Variants in LRMDA observed in about 807,000 individuals in gnomAD.
The protein encoded by LRMDA is leucine-rich melanocyte differentiation-associated protein.
A neutral mutation model predicts 29.8 loss-of-function variants in LRMDA; 18 were observed. The ratio of observed to expected loss-of-function variants is 0.60; its 90% CI spans 0.42 to 0.90. The LOEUF (loss-of-function observed/expected upper bound fraction) is 0.90. LRMDA is among the 40% of genes least tolerant of loss of function. LRMDA has a pLI of 0.00. For synonymous variants in LRMDA, 125 were observed against 109.4 expected (o/e 1.14, Z -0.89); for missense variants, 273 against 273.9 (o/e 1.00, Z 0.02).
intron 2 of LRMDA, among the ~76,000 whole-genome samples, chr10:75,674,518 C>T (rs1841937996): frequency 6.6e-6 from 1 of 151,910 alleles, no homozygotes; most frequent in South Asian, 2.1e-4. Context: ...TATTATCGCT[C>T]TCTAACTAAG....
intron 2 of LRMDA, among the ~76,000 whole-genome samples, chr10:75,653,880 T>G (rs564143051): frequency 6.6e-6 from 1 of 152,336 alleles, no homozygotes; most frequent in Admixed American, 6.5e-5. Flanking sequence ...TCATTTTTGT[T>G]GCCTGCTAGG....
At chr10:76,163,364 CTT>C (rs528759407) in intron 5 of LRMDA, among the ~76,000 whole-genome samples, 1 of 152,094 alleles carries the variant, frequency 6.6e-6, no homozygotes, top group Non-Finnish European at 1.5e-5. Context: ...CAGGATGGGA[CTT>C]TTTTTATTAA....
chr10:76,030,162 C>T (rs1848125640), intron 2 of LRMDA, among the ~76,000 whole-genome samples: 1 of 152,054 alleles, frequency 6.6e-6, no homozygotes, highest in Non-Finnish European at 1.5e-5. Flanking sequence ...CTAGCCAGAA[C>T]CTTTTTCATG....
intron 2 of LRMDA, among the ~76,000 whole-genome samples, chr10:75,464,390 C>T (rs962941363): frequency 6.6e-6 from 1 of 152,110 alleles, no homozygotes; most frequent in Admixed American, 6.5e-5. Context: ...AGGCATGTAG[C>T]AAGACTGTGC....
At chr10:76,448,572 A>G (rs1842375720) in intron 6 of LRMDA, among the ~76,000 whole-genome samples, 1 of 152,090 alleles carries the variant, frequency 6.6e-6, no homozygotes, top group Non-Finnish European at 1.5e-5. Context: ...GTCTGTTGAC[A>G]TGTTAGTGCT....
At chr10:76,419,144 A>G (rs1257636314) in intron 6 of LRMDA, among the ~76,000 whole-genome samples, 4 of 152,076 alleles carry the variant, frequency 2.6e-5, no homozygotes, top group Non-Finnish European at 5.9e-5. Context: ...TGTATATTCT[A>G]TGGGTTTTCA....
chr10:75,763,367 T>C (rs1843121141), intron 2 of LRMDA, among the ~76,000 whole-genome samples: 1 of 152,170 alleles, frequency 6.6e-6, no homozygotes, highest in South Asian at 2.1e-4. Context: ...TTTGTAATAA[T>C]GCCCTTAAAA....
At chr10:76,336,944 C>T (rs1035613871) in intron 6 of LRMDA, among the ~76,000 whole-genome samples, 6 of 152,012 alleles carry the variant, frequency 3.9e-5, no homozygotes, top group Non-Finnish European at 5.9e-5. Context: ...TTTCTCCCCA[C>T]CCCCCTTTTT....
At chr10:75,900,993 A>G (rs1845660859) in intron 2 of LRMDA, among the ~76,000 whole-genome samples, 1 of 152,194 alleles carries the variant, frequency 6.6e-6, no homozygotes, top group Non-Finnish European at 1.5e-5. Context: ...GGGAGTATTT[A>G]TTTGATCCCC....
chr10:75,766,098 G>A (rs1034263866), intron 2 of LRMDA, among the ~76,000 whole-genome samples: 8 of 152,160 alleles, frequency 5.3e-5, no homozygotes, highest in African/African-American at 1.9e-4. Context: ...ACTGACCTTC[G>A]GCTGGACAGA....
rs201048376 is a variant in LRMDA at position 75,746,727 on chromosome 10, T to TG, written c.132-289273dup. ...GTGCGTGGGTAGAGAGTGCTATTTTTGGGGGGGGAGCTTATATTTTGACAT... is the reference window on the plus strand; with the variant it reads ...GTGCGTGGGTAGAGAGTGCTATTTTTGGGGGGGGGAGCTTATATTTTGACAT... On this transcript the variant is annotated intron_variant, in intron 2 of 6. Coordinates refer to ENST00000611255, the MANE Select transcript of LRMDA (RefSeq NM_001305581.2). Among the ~76,000 whole-genome samples the TG allele has an allele frequency of 7.7e-4, 117 of 151,690 alleles. No homozygotes were observed. In the East Asian group the frequency reaches 0.015, roughly 19 times the overall value.
At position 76,210,677 on chromosome 10, in the gene LRMDA, G is replaced by A. The variant is rs1297527215; in HGVS notation, c.517-113724G>A. Among the ~76,000 whole-genome samples the A allele has an allele frequency of 1.3e-5, 2 of 152,254 alleles. 1 individual carries two copies. On this transcript the variant is annotated intron_variant, in intron 5 of 6. Transcript: ENST00000611255. ...GGTAGGGGCGAGAGGAAGAAAGAGA[G>A]GAACAGAAAATGACCAGGATTGCAG... is the stretch of plus-strand genomic sequence containing the variant.
chr10:75,450,526 T>C (rs1197526187), intron 2 of LRMDA: 3 of 151,956 alleles, frequency 2.0e-5, no homozygotes, highest in Non-Finnish European at 4.4e-5. Context: ...TTAAACACAA[T>C]TGGAGGGAGG....
chr10:76,087,236 C>G (rs542565354), intron 5 of LRMDA, among the ~76,000 whole-genome samples: 1 of 152,044 alleles, frequency 6.6e-6, no homozygotes, highest in South Asian at 2.1e-4. Flanking sequence ...TGTCTTCATC[C>G]GAGGAAGCAG....
chr10:76,009,130 C>A (rs1847726918), intron 2 of LRMDA, among the ~76,000 whole-genome samples: 1 of 152,078 alleles, frequency 6.6e-6, no homozygotes, highest in South Asian at 2.1e-4. Flanking sequence ...AATAACAAAG[C>A]CCCTCACTCT....
chr10:76,541,755 G>A (rs528982142), intron 6 of LRMDA, among the ~76,000 whole-genome samples: 1 of 152,232 alleles, frequency 6.6e-6, no homozygotes, highest in African/African-American at 2.4e-5. Flanking sequence ...CCAGTCCAGA[G>A]TAGTTTAAAA....
chr10:75,905,930 G>GTT (rs5786198), intron 2 of LRMDA, among the ~76,000 whole-genome samples: 3 of 148,922 alleles, frequency 2.0e-5, no homozygotes, highest in African/African-American at 7.5e-5. Context: ...CTAGCCAAAG[G>GTT]TTTTTTTTTT....
Position 76,037,506 on chromosome 10 carries a change from T to G in LRMDA, c.258+1372T>G, listed in dbSNP as rs78231744. On this transcript the variant is annotated intron_variant, in intron 3 of 6. Transcript: ENST00000611255. ...CCATAAGTTAATGTTTTCTTTATTC[T>G]CTCAGATATTGTCTCAGTCAGCTCT... Among the ~76,000 whole-genome samples the G allele has an allele frequency of 3.4e-3, 513 of 152,372 alleles. 1 individual carries two copies. The highest frequency in any genetic ancestry group is 0.012 in the African/African-American group (502 of 41,584).
At chr10:76,217,823 T>C (rs770612693) in intron 5 of LRMDA, among the ~76,000 whole-genome samples, 34 of 152,300 alleles carry the variant, frequency 2.2e-4, no homozygotes, top group African/African-American at 6.5e-4. Context: ...CATTACCCTC[T>C]TCTCTTACTT....
Sources: allele counts gnomAD v4.1 joint callset (sites outside exome capture counted in the v4.1 genomes callset), GRCh38; gene constraint gnomAD v4.1.1; transcripts MANE v1.5; gene names NCBI Gene and HGNC (gene_info 2026-07-23, HGNC 2026-07-21).